The following ZNF75D variants were observed in gnomAD, a reference collection of about 807,000 sequenced individuals.
The protein encoded by ZNF75D is zinc finger protein 75.
In ZNF75D, 33 loss-of-function variants were observed where a neutral mutation model predicts 33.3. The observed-to-expected ratio is 0.99, with a 90% CI of 0.75 to 1.32. The LOEUF (loss-of-function observed/expected upper bound fraction) is 1.32, where lower values mean the gene tolerates loss of function less well. ZNF75D is among the 40% of genes most tolerant of loss of function. The probability of loss-of-function intolerance (pLI) is 0.00; values close to 1 mark genes in which losing one functional copy is unlikely to be tolerated. For synonymous variants in ZNF75D, 113 were observed against 130.6 expected (o/e 0.87, Z 0.92); for missense variants, 338 against 367.5 (o/e 0.92, Z 0.66).
At chrX:135,334,551 A>G (rs2084687498) in intron 1 of ZNF75D, among the ~76,000 whole-genome samples, 1 of 111,929 alleles carries the variant, frequency 8.9e-6, no homozygotes. Flanking sequence ...TAGGGGTAGG[A>G]AAAGGAACAG....
rs782121422 is a variant in ZNF75D at position 135,319,564 on chromosome X, T to G, written c.-391+22204A>C. Among the ~76,000 whole-genome samples the G allele has an allele frequency of 1.5e-4, 17 of 112,044 alleles. No individual in the cohort carries two copies. In the East Asian group the frequency reaches 4.5e-3, roughly 30 times the overall value. ...TAGTGGGTAATCTAACATCTTCCTA[T>G]GAGGAGTGGTCTTTTTTGGCCATTA... On this transcript the variant is annotated intron_variant, in intron 1 of 6. Transcript: ENST00000370766.
intron 1 of ZNF75D, among the ~76,000 whole-genome samples, chrX:135,277,441 G>A (rs1417990697): frequency 9.0e-6 from 1 of 111,641 alleles, no homozygotes; most frequent in Admixed American, 9.5e-5. Context: ...ATAGGATGCC[G>A]GTTCACTCTG....
At chrX:135,274,810 G>T (rs2083894085) in intron 1 of ZNF75D, among the ~76,000 whole-genome samples, 1 of 111,794 alleles carries the variant, frequency 8.9e-6, no homozygotes, top group Non-Finnish European at 1.9e-5. Flanking sequence ...TAAAGAAAGG[G>T]CTGTGATATG....
chrX:135,277,416 A>T lies in ZNF75D; in HGVS notation n.828-21639T>A, dbSNP rs782771648. On this transcript the variant is annotated intron_variant and non_coding_transcript_variant, in intron 1 of 3. Coordinates refer to the ZNF75D transcript ENST00000494295. ...CTTATCAGACGGATAGATTGTAAAAATTTTCTCCCATTCTATAGGATGCCG... is the reference window on the plus strand; with the variant it reads ...CTTATCAGACGGATAGATTGTAAAATTTTTCTCCCATTCTATAGGATGCCG... Among the ~76,000 whole-genome samples the T allele has an allele frequency of 1.1e-4, 12 of 111,285 alleles. No homozygotes were observed. In the East Asian group the frequency reaches 3.4e-3, roughly 32 times the overall value.
intron 1 of ZNF75D, among the ~76,000 whole-genome samples, chrX:135,278,190 T>C (rs782360830): frequency 1.3e-3 from 146 of 111,730 alleles, no homozygotes; most frequent in Non-Finnish European, 2.2e-3. Context: ...TAGTTCTCCT[T>C]GAAGAGGTCC....
At chrX:135,341,497 G>A (rs998298292) in intron 1 of ZNF75D, among the ~76,000 whole-genome samples, 7 of 111,593 alleles carry the variant, frequency 6.3e-5, no homozygotes, top group African/African-American at 2.0e-4. Flanking sequence ...TGGGTCCTCC[G>A]GGTCTCTAAA....
At chrX:135,317,328 G>A (rs180925348) in intron 1 of ZNF75D, among the ~76,000 whole-genome samples, 153 of 111,840 alleles carry the variant, frequency 1.4e-3, no homozygotes, top group African/African-American at 4.8e-3. Context: ...GGTACACCAA[G>A]TATGCCAGTC....
chrX:135,291,897 G>A (rs1347762222), intron 4 of ZNF75D, among the ~76,000 whole-genome samples: 1 of 112,403 alleles, frequency 8.9e-6, no homozygotes, highest in Non-Finnish European at 1.9e-5. Context: ...AGTAGGTAAT[G>A]TGGGAGACTT....
intron 1 of ZNF75D, among the ~76,000 whole-genome samples, chrX:135,259,340 T>G (rs1223783392): frequency 8.9e-6 from 1 of 111,876 alleles, no homozygotes; most frequent in Non-Finnish European, 1.9e-5. Flanking sequence ...AGAAAGTCAT[T>G]GGTAGCTTGA....
At chrX:135,312,501 G>C (rs1448118020) in intron 1 of ZNF75D, among the ~76,000 whole-genome samples, 1 of 111,642 alleles carries the variant, frequency 9.0e-6, no homozygotes, top group African/African-American at 3.3e-5. Context: ...TTTTCCTTTG[G>C]ATAGACACTC....
chrX:135,271,519 C>T (rs1220341996), intron 1 of ZNF75D, among the ~76,000 whole-genome samples: 1 of 112,007 alleles, frequency 8.9e-6, no homozygotes, highest in Non-Finnish European at 1.9e-5. Flanking sequence ...TTCCTAGTCT[C>T]CTGAACCAGA....
At chrX:135,269,984 G>A (rs1556416741) in intron 1 of ZNF75D, among the ~76,000 whole-genome samples, 1 of 110,856 alleles carries the variant, frequency 9.0e-6, no homozygotes, top group Non-Finnish European at 1.9e-5. Context: ...AGCAAAGTAA[G>A]CCAGGCACAA....
chrX:135,333,846 G>A (rs1459279552), intron 1 of ZNF75D, among the ~76,000 whole-genome samples: 1 of 111,747 alleles, frequency 8.9e-6, no homozygotes, highest in African/African-American at 3.3e-5. Flanking sequence ...TATAATTATG[G>A]AATTGCAGCA....
At chrX:135,338,147 T>A (rs1486281661) in intron 1 of ZNF75D, among the ~76,000 whole-genome samples, 1 of 111,097 alleles carries the variant, frequency 9.0e-6, no homozygotes, top group Non-Finnish European at 1.9e-5. Flanking sequence ...TGGGTGCATC[T>A]GTGGAAAGGT....
At chrX:135,334,951 C>T (rs1160064699) in intron 1 of ZNF75D, among the ~76,000 whole-genome samples, 2 of 111,222 alleles carry the variant, frequency 1.8e-5, no homozygotes, top group East Asian at 5.7e-4. Context: ...ATCTTTACCT[C>T]TTTACCTTCC....
At chrX:135,292,715 G>GC (rs1447890631) in intron 3 of ZNF75D, among the ~76,000 whole-genome samples, 1 of 112,316 alleles carries the variant, frequency 8.9e-6, no homozygotes, top group Non-Finnish European at 1.9e-5. Flanking sequence ...CAACCCAGTG[G>GC]CCCCCACCCA....
chrX:135,316,553 G>A (rs1287186893), intron 1 of ZNF75D, among the ~76,000 whole-genome samples: 1 of 111,526 alleles, frequency 9.0e-6, no homozygotes, highest in African/African-American at 3.2e-5. Flanking sequence ...GGTAGACCTG[G>A]AAATTTTTCA....
At position 135,343,157 on chromosome X, in the gene ZNF75D, A is replaced by C. The variant is rs986947786; in HGVS notation, c.-1780T>G. ...ATCTGAATGGGGAATTAAGACAGCG[A>C]GATGTCTCAGTCCTCTGGACCCACC... On this transcript the variant is annotated 5_prime_UTR_variant, in exon 1 of 7. Transcript: ENST00000370766. The C allele has an allele frequency of 2.7e-5, 3 of 112,387 alleles. No individual in the cohort carries two copies. The highest frequency in any genetic ancestry group is 5.6e-5 in the Non-Finnish European group (3 of 53,250). 9.3% of individuals were successfully genotyped at this position (112,387 alleles called of 1,213,427 possible).
At chrX:135,340,624 G>A (rs894702963) in intron 1 of ZNF75D, among the ~76,000 whole-genome samples, 1 of 112,242 alleles carries the variant, frequency 8.9e-6, no homozygotes, top group South Asian at 3.7e-4. Flanking sequence ...GGGACTCTGT[G>A]AGTGTGTGTT....
Sources: gnomAD v4.1 joint callset for allele counts (sites outside exome capture counted in the v4.1 genomes callset) on GRCh38, gnomAD v4.1.1 for gene constraint, MANE v1.5 for transcripts, NCBI Gene and HGNC (gene_info 2026-07-23, HGNC 2026-07-21) for gene names.